The following SLC35A3 variants were observed in gnomAD, a reference collection of about 807,000 sequenced individuals.
SLC35A3 encodes the protein UDP-N-acetylglucosamine transporter.
A neutral mutation model predicts 39.0 loss-of-function variants in SLC35A3; 26 were observed. The observed-to-expected ratio is 0.67, with a 90% CI of 0.49 to 0.92. SLC35A3 has a LOEUF of 0.92. Ranked by LOEUF, SLC35A3 falls within the 40% of genes least tolerant of loss-of-function variation. The pLI is 0.00. For missense variants in SLC35A3, 299 were observed against 371.6 expected (o/e 0.80, Z 1.61); for synonymous variants, 135 against 133.1 (o/e 1.01, Z -0.10).
At chr1:100,009,832 T>C (rs933208499) in intron 4 of SLC35A3, among the ~76,000 whole-genome samples, 1 of 152,190 alleles carries the variant, frequency 6.6e-6, no homozygotes, top group African/African-American at 2.4e-5. Context: ...TATGTTTGCT[T>C]TGAAGAGGTA....
rs114907748 is a variant in SLC35A3, at chr1:99,978,475, C to T, written c.-19+8313C>T. 5.4e-3 allele frequency among the ~76,000 whole-genome samples: 823 copies of T among 152,182 alleles called. 10 individuals carry two copies. Among genetic ancestry groups the T allele is most frequent in the African/African-American group, 0.019 (771 of 41,518 alleles). On this transcript the variant is annotated intron_variant, in intron 1 of 7. Coordinates refer to ENST00000533028, the MANE Select transcript of SLC35A3 (RefSeq NM_012243.3). ...CCAGGAGGTAGAGGCAGCAGTGAGC[C>T]GTGGCATGCCACTGCACTCCAGCCT...
intron 5 of SLC35A3, among the ~76,000 whole-genome samples, chr1:100,013,400 C>T (rs1659818747): frequency 7.1e-6 from 1 of 141,834 alleles, no homozygotes; most frequent in Non-Finnish European, 1.5e-5. Flanking sequence ...ATTGTTTGAG[C>T]TTAGGAATTG....
rs766280223 is a variant in SLC35A3, at chr1:100,015,400, T to C, written c.733T>C (p.Trp245Arg). 6 of 1,609,452 alleles carry C rather than the reference T, an allele frequency of 3.7e-6. No homozygotes were observed. In the Admixed American group the frequency reaches 1.0e-4, roughly 27 times the overall value. ...TTTTCAGGGATATAACCGACTGACC[T>C]GGATAGTAGTTGTTCTTCAGGTAAA... Reference protein sequence around the residue: ...GFFQGYNRLTWIVVVLQALGG... With the variant: ...GFFQGYNRLTRIVVVLQALGG... Residue 245 changes from tryptophan to arginine, a missense_variant, in exon 6 of 8, where the codon TGG becomes CGG. Coordinates refer to ENST00000533028, the MANE Select transcript of SLC35A3 (RefSeq NM_012243.3).
Position 100,030,304 on chromosome 1 carries a change from G to T in SLC35A3, c.*7828G>T, listed in dbSNP as rs567304400. 3 of 152,154 alleles carry T rather than the reference G, an allele frequency of 2.0e-5. No homozygotes were observed. The highest frequency in any genetic ancestry group is 4.1e-4 in the South Asian group (2 of 4,834). The allele number at this position is 152,154 out of a possible 1,614,324, so 9.4% of individuals were successfully genotyped here. A position where few individuals can be genotyped will look rare whatever the true frequency, so the allele number is the denominator to read the frequency against. Reference sequence around the variant, plus strand: ...ATTTTAAAGGTAGAACTCACTGCAGGTTTAAAAGAATAATGAATATTGTTA... The same window carrying T: ...ATTTTAAAGGTAGAACTCACTGCAGTTTTAAAAGAATAATGAATATTGTTA... On this transcript the variant is annotated 3_prime_UTR_variant, in exon 8 of 8. Transcript: ENST00000533028.
chr1:99,986,372 C>T (rs1657742685), intron 1 of SLC35A3, among the ~76,000 whole-genome samples: 1 of 151,750 alleles, frequency 6.6e-6, no homozygotes, highest in Non-Finnish European at 1.5e-5. Context: ...TGCCACATTG[C>T]ATAGGCTGGT....
At chr1:99,999,472 T>C (rs913494048) in intron 3 of SLC35A3, 57 bp downstream of exon 3, 2 of 1,130,584 alleles carry the variant, frequency 1.8e-6, no homozygotes, top group Admixed American at 2.5e-5. Flanking sequence ...TACATAATAA[T>C]TGTATATATT....
intron 3 of SLC35A3, among the ~76,000 whole-genome samples, chr1:100,002,388 A>G (rs959609075): frequency 1.3e-5 from 2 of 152,122 alleles, no homozygotes; most frequent in African/African-American, 4.8e-5. Flanking sequence ...TTGCTAGTAT[A>G]TAGTTGTTCA....
At chr1:100,013,585 C>T (rs965647331) in intron 5 of SLC35A3, among the ~76,000 whole-genome samples, 14 of 151,768 alleles carry the variant, frequency 9.2e-5, no homozygotes, top group African/African-American at 2.9e-4. Flanking sequence ...TGCACTCCAG[C>T]CTGCTAAGTG....
At chr1:100,018,000 A>G (rs1234876274) in intron 7 of SLC35A3, 185 bp downstream of exon 7, 2 of 372,980 alleles carry the variant, frequency 5.4e-6, no homozygotes, top group Non-Finnish European at 9.4e-6. Context: ...AAAGTTTCTT[A>G]TACAAATTTG....
chr1:99,991,483 GT>G (rs1189868707), intron 1 of SLC35A3, among the ~76,000 whole-genome samples: 1 of 152,204 alleles, frequency 6.6e-6, no homozygotes, highest in African/African-American at 2.4e-5. Flanking sequence ...AAGTCTGGAA[GT>G]TTGGTAGCTT....
intron 7 of SLC35A3, among the ~76,000 whole-genome samples, chr1:100,019,132 T>C (rs1660356086): frequency 1.3e-5 from 2 of 152,130 alleles, no homozygotes; most frequent in South Asian, 4.1e-4. Flanking sequence ...TGCAGATTTT[T>C]AGATTTTACT....
Position 100,030,914 on chromosome 1 carries a change from A to G in SLC35A3, c.*8438A>G, listed in dbSNP as rs1032709965. On this transcript the variant is annotated 3_prime_UTR_variant, in exon 8 of 8. Coordinates refer to ENST00000533028, the MANE Select transcript of SLC35A3 (RefSeq NM_012243.3). Reference sequence around the variant, plus strand: ...CTGAGTGATGATAGAATTATAGAAAATCATGAAAGATGTGTGCCCATGTTT... The same window carrying G: ...CTGAGTGATGATAGAATTATAGAAAGTCATGAAAGATGTGTGCCCATGTTT... 1 of 152,174 alleles carries G rather than the reference A, an allele frequency of 6.6e-6. No homozygotes were observed. Among genetic ancestry groups the G allele is most frequent in the Non-Finnish European group, 1.5e-5 (1 of 68,028 alleles). 9.4% of individuals were successfully genotyped at this position (152,174 alleles called of 1,614,324 possible). A position where few individuals can be genotyped will look rare whatever the true frequency, so the allele number is the denominator to read the frequency against.
chr1:99,983,169 TGTGTGTGTGTGG>T (rs1657552867), intron 1 of SLC35A3, among the ~76,000 whole-genome samples: 1 of 151,808 alleles, frequency 6.6e-6, no homozygotes, highest in Non-Finnish European at 1.5e-5. Flanking sequence ...TTAATAGAAT[TGTGTGTGTGTGG>T]GTGTGTGTGT....
chr1:99,975,444 A>G (rs897740970), intron 1 of SLC35A3, among the ~76,000 whole-genome samples: 1 of 152,206 alleles, frequency 6.6e-6, no homozygotes, highest in Non-Finnish European at 1.5e-5. Context: ...AGTCTGATAA[A>G]ATTTATGAGT....
At chr1:99,996,840 G>A (rs1658427243) in intron 2 of SLC35A3, among the ~76,000 whole-genome samples, 1 of 152,092 alleles carries the variant, frequency 6.6e-6, no homozygotes, top group Non-Finnish European at 1.5e-5. Context: ...AGGAGAGGGT[G>A]AGTACCAGGT....
chr1:99,989,430 C>T (rs1412006621), intron 1 of SLC35A3, among the ~76,000 whole-genome samples: 2 of 151,710 alleles, frequency 1.3e-5, no homozygotes, highest in Non-Finnish European at 2.9e-5. Flanking sequence ...ATTACAGGCA[C>T]CTGCAAGCAT....
rs978013628 is a variant in SLC35A3, at chr1:100,022,803, T to C, written c.*327T>C. On this transcript the variant is annotated 3_prime_UTR_variant, in exon 8 of 8. Transcript: ENST00000533028. ...GCAAGAGCACACAACAAATGTCAGA[T>C]ACCAATTTTTGCAAATTAGATTTAA... 5.8e-6 allele frequency: 1 copy of C among 173,438 alleles called. No individual in the cohort carries two copies. Among genetic ancestry groups the C allele is most frequent in the African/African-American group, 2.4e-5 (1 of 42,296 alleles). 10.7% of individuals were successfully genotyped at this position (173,438 alleles called of 1,614,324 possible). A position where few individuals can be genotyped will look rare whatever the true frequency, so the allele number is the denominator to read the frequency against.
intron 1 of SLC35A3, among the ~76,000 whole-genome samples, chr1:99,985,269 G>A (rs1037348287): frequency 6.6e-6 from 1 of 152,140 alleles, no homozygotes; most frequent in Non-Finnish European, 1.5e-5. Flanking sequence ...GGAGGATCCA[G>A]TTTCATTCTT....
intron 4 of SLC35A3, among the ~76,000 whole-genome samples, 172 bp from the exon 5 acceptor site, chr1:100,011,193 T>C (rs1659606631): frequency 6.6e-6 from 1 of 152,212 alleles, no homozygotes; most frequent in Non-Finnish European, 1.5e-5. Context: ...ATATTATCAC[T>C]GTGAGGAAAA....
Sources: allele counts gnomAD v4.1 joint callset (sites outside exome capture counted in the v4.1 genomes callset), GRCh38; gene constraint gnomAD v4.1.1; transcripts MANE v1.5; gene names NCBI Gene and HGNC (gene_info 2026-07-23, HGNC 2026-07-21).